Variants in INPP4B observed in about 807,000 individuals in gnomAD.
INPP4B encodes inositol polyphosphate-4-phosphatase type II B.
In INPP4B, 55 loss-of-function variants were observed where a neutral mutation model predicts 122.5. The ratio of observed to expected loss-of-function variants is 0.45; its 90% CI spans 0.36 to 0.56. The LOEUF (loss-of-function observed/expected upper bound fraction) is 0.56. INPP4B is among the 20% of genes least tolerant of loss of function. INPP4B has a pLI of 0.00. For synonymous variants in INPP4B, 403 were observed against 388.7 expected, an observed-to-expected ratio of 1.04 and a Z score of -0.43; for missense variants, 1,000 against 1,097.7, an observed-to-expected ratio of 0.91 and a Z score of 1.26.
At chr4:142,738,624 G>T (rs1767420410) in intron 1 of INPP4B, among the ~76,000 whole-genome samples, 2 of 149,078 alleles carry the variant, frequency 1.3e-5, no homozygotes, top group South Asian at 2.2e-4. Context: ...CAAAAAAAAA[G>T]AAGCTTCTCT....
intron 1 of INPP4B, among the ~76,000 whole-genome samples, chr4:142,812,667 A>C (rs1297518429): frequency 1.3e-5 from 2 of 152,164 alleles, no homozygotes; most frequent in Non-Finnish European, 2.9e-5. Context: ...ATATTACATT[A>C]TTGATGTCTT....
chr4:142,508,264 G>A (rs1176434463), intron 2 of INPP4B, among the ~76,000 whole-genome samples: 1 of 152,072 alleles, frequency 6.6e-6, no homozygotes, highest in Non-Finnish European at 1.5e-5. Flanking sequence ...CTAGTCCAGT[G>A]TTTAAAAACC....
chr4:142,767,174 A>G (rs553176490), intron 1 of INPP4B, among the ~76,000 whole-genome samples: 1 of 152,076 alleles, frequency 6.6e-6, no homozygotes, highest in Non-Finnish European at 1.5e-5. Flanking sequence ...AAGTTACAAT[A>G]CTTTAATGTT....
chr4:142,361,789 C>T (rs1229721118), intron 7 of INPP4B, among the ~76,000 whole-genome samples: 1 of 151,740 alleles, frequency 6.6e-6, no homozygotes, highest in Non-Finnish European at 1.5e-5. Flanking sequence ...CTTTTATTAT[C>T]ACAATATTAT....
intron 18 of INPP4B, among the ~76,000 whole-genome samples, chr4:142,135,277 C>G (rs867027377): frequency 6.6e-6 from 1 of 152,084 alleles, no homozygotes. Context: ...CCAAGTCTAA[C>G]AGGGGAAATG....
chr4:142,218,223 C>T (rs1254876589), intron 12 of INPP4B, among the ~76,000 whole-genome samples: 1 of 152,118 alleles, frequency 6.6e-6, no homozygotes, highest in Non-Finnish European at 1.5e-5. Context: ...AGTTTAGGCT[C>T]TTCCATGGGC....
At chr4:142,168,361 A>G (rs545150978) in intron 16 of INPP4B, among the ~76,000 whole-genome samples, 91 of 151,498 alleles carry the variant, frequency 6.0e-4, no homozygotes, top group African/African-American at 2.2e-3. Context: ...CATGCTTAGT[A>G]TGTGCTTGTT....
chr4:142,228,148 C>T (rs1852455508), intron 12 of INPP4B, among the ~76,000 whole-genome samples: 1 of 151,726 alleles, frequency 6.6e-6, no homozygotes, highest in Non-Finnish European at 1.5e-5. Flanking sequence ...TAAATAGTTT[C>T]TTCATTTAAA....
chr4:142,687,885 A>G lies in INPP4B; in HGVS notation c.-191+37954T>C, dbSNP rs2150710129. Among the ~76,000 whole-genome samples, 2 of 152,058 alleles carry G rather than the reference A, an allele frequency of 1.3e-5. 1 individual carries two copies. The highest frequency in any genetic ancestry group is 3.9e-4 in the East Asian group (2 of 5,172). ...TATCCAATCTCCGCCTTGTCCCCCA[A>G]CAATGCTCGTGTGTTTCTCTCTTCA... is the stretch of plus-strand genomic sequence containing the variant. On this transcript the variant is annotated intron_variant, in intron 2 of 25. Coordinates refer to ENST00000262992, the MANE Select transcript of INPP4B (RefSeq NM_001101669.3).
chr4:142,731,652 C>A (rs1033314002), intron 1 of INPP4B, among the ~76,000 whole-genome samples: 3 of 152,062 alleles, frequency 2.0e-5, no homozygotes, highest in Non-Finnish European at 2.9e-5. Context: ...AACATGAAGT[C>A]TTCATTTCCC....
intron 19 of INPP4B, 57 bp downstream of exon 19, chr4:142,124,531 G>A (rs1578992140): frequency 2.8e-6 from 4 of 1,452,026 alleles, no homozygotes; most frequent in East Asian, 4.6e-5. Flanking sequence ...CATCATCAAG[G>A]ATAGGATGTT....
intron 2 of INPP4B, among the ~76,000 whole-genome samples, chr4:142,546,080 C>T (rs895439431): frequency 1.3e-5 from 2 of 151,952 alleles, no homozygotes; most frequent in African/African-American, 4.8e-5. Context: ...TCCCCTTCCT[C>T]CTCCCACTCT....
At chr4:142,106,227 GTTTTGAAAAACACTTGTTTATA>G (rs946491636) in intron 23 of INPP4B, among the ~76,000 whole-genome samples, 3 of 152,320 alleles carry the variant, frequency 2.0e-5, no homozygotes, top group African/African-American at 7.2e-5. Context: ...ATATTTACAT[GTTTTGAAAAACACTTGTTTATA>G]TTTAATTGGC....
chr4:142,380,164 A>G (rs986410705), intron 7 of INPP4B, among the ~76,000 whole-genome samples: 1 of 152,198 alleles, frequency 6.6e-6, no homozygotes, highest in Non-Finnish European at 1.5e-5. Context: ...AACATGAATT[A>G]CTTATCCTGT....
chr4:142,054,072 T>C (rs1401172237), intron 25 of INPP4B, among the ~76,000 whole-genome samples: 1 of 148,852 alleles, frequency 6.7e-6, no homozygotes, highest in Non-Finnish European at 1.5e-5. Context: ...TGGATAACAT[T>C]GCTGTTTTAT....
At chr4:142,434,212 C>G (rs1809949519) in intron 3 of INPP4B, among the ~76,000 whole-genome samples, 1 of 152,094 alleles carries the variant, frequency 6.6e-6, no homozygotes, top group Non-Finnish European at 1.5e-5. Context: ...CCTGGATGGT[C>G]AAATTCCAAA....
At chr4:142,765,155 TA>T (rs1025911821) in intron 1 of INPP4B, among the ~76,000 whole-genome samples, 1 of 152,126 alleles carries the variant, frequency 6.6e-6, no homozygotes, top group Non-Finnish European at 1.5e-5. Context: ...CAAAGCTTGG[TA>T]ATCTGACAGT....
intron 2 of INPP4B, among the ~76,000 whole-genome samples, chr4:142,559,787 G>C (rs1181164227): frequency 1.3e-5 from 2 of 152,068 alleles, no homozygotes. Flanking sequence ...ATTCTGCCAA[G>C]AGTATACTAA....
At chr4:142,731,033 T>C (rs1766006582) in intron 1 of INPP4B, among the ~76,000 whole-genome samples, 1 of 152,118 alleles carries the variant, frequency 6.6e-6, no homozygotes, top group Non-Finnish European at 1.5e-5. Context: ...GTTACTTAGG[T>C]AAACGCGTGC....
Sources: allele counts gnomAD v4.1 joint callset (sites outside exome capture counted in the v4.1 genomes callset), GRCh38; gene constraint gnomAD v4.1.1; transcripts MANE v1.5; gene names NCBI Gene and HGNC (gene_info 2026-07-23, HGNC 2026-07-21).